Variants in AUTS2 observed in about 807,000 individuals in gnomAD.
AUTS2 encodes the protein activator of transcription and developmental regulator AUTS2.
A neutral mutation model predicts 112.4 loss-of-function variants in AUTS2; 17 were observed. The ratio of observed to expected loss-of-function variants is 0.15; its 90% confidence interval spans 0.10 to 0.23. AUTS2 has a LOEUF of 0.23. Among genes scored for constraint, AUTS2 ranks in the 10% least tolerant of loss-of-function variants. The probability of loss-of-function intolerance (pLI) is 1.00; values close to 1 mark genes in which losing one functional copy is unlikely to be tolerated. For synonymous variants in AUTS2, 751 were observed against 702.7 expected (o/e 1.07, Z -1.09); for missense variants, 1,510 against 1,701.6 (o/e 0.89, Z 1.98).
chr7:70,127,047 G>A (rs1368680187), intron 3 of AUTS2, among the ~76,000 whole-genome samples: 1 of 152,018 alleles, frequency 6.6e-6, no homozygotes, highest in Non-Finnish European at 1.5e-5. Context: ...GGCTGCTCTC[G>A]AACTCCTGAC....
intron 2 of AUTS2, among the ~76,000 whole-genome samples, chr7:70,112,882 T>A (rs1805156898): frequency 1.3e-5 from 2 of 152,034 alleles, no homozygotes; most frequent in Admixed American, 1.3e-4. Context: ...TCAGAACACT[T>A]TGTTTTACAC....
rs546673509 is a variant in AUTS2 at position 69,698,723 on chromosome 7, A to G, written c.309+98761A>G. 8.5e-5 allele frequency among the ~76,000 whole-genome samples: 13 copies of G among 152,248 alleles called. No individual in the cohort carries two copies. In the East Asian group the frequency reaches 1.7e-3, roughly 20 times the overall value. On this transcript the variant is annotated intron_variant, in intron 1 of 18. Coordinates refer to ENST00000342771, the MANE Select transcript of AUTS2 (RefSeq NM_015570.4). ...TGGGTCAGCATCTGCCAACATGTCA[A>G]ATTTTCACACTAGGTTGTATTTTGA...
chr7:70,158,867 A>G lies in AUTS2; in HGVS notation c.660+24296A>G, dbSNP rs116184791. ...TAAATATATAAATAATCATCTACCTATGATATACTCAAGGCAATAAATATA... is the reference window on the plus strand; with the variant it reads ...TAAATATATAAATAATCATCTACCTGTGATATACTCAAGGCAATAAATATA... On this transcript the variant is annotated intron_variant, in intron 4 of 18. Coordinates refer to ENST00000342771, the MANE Select transcript of AUTS2 (RefSeq NM_015570.4). Among the ~76,000 whole-genome samples, 232 of 152,290 alleles carry G rather than the reference A, an allele frequency of 1.5e-3. 1 individual carries two copies. Among genetic ancestry groups the G allele is most frequent in the African/African-American group, 4.7e-3 (195 of 41,554 alleles).
chr7:70,790,757 C>G lies in AUTS2; in HGVS notation c.3541C>G (p.His1181Asp). Residue 1181 changes from histidine (H) to aspartate (D), a missense_variant, in exon 19 of 19, where the codon CAC (histidine) becomes GAC (aspartate). This residue lies in a region of AUTS2 where 788 missense variants were observed against 797.6 expected (regional missense o/e 0.99). Coordinates refer to ENST00000342771, the MANE Select transcript of AUTS2 (RefSeq NM_015570.4). This position sits in a 1 kb window ranked among gnomAD's most constrained non-coding sequence, Gnocchi z 7.6. ...HPASLDGHLP[H>D]PSLITPGLPS... ...CGCCTCCCTCGACGGACACCTCCCCCACCCCAGCCTCATCACCCCGGGACT... is the reference window on the plus strand; with the variant it reads ...CGCCTCCCTCGACGGACACCTCCCCGACCCCAGCCTCATCACCCCGGGACT... 1.2e-6 allele frequency: 2 copies of G among 1,613,456 alleles called. No homozygotes were observed. The highest frequency in any genetic ancestry group is 2.2e-5 in the East Asian group (1 of 44,842).
intron 1 of AUTS2, among the ~76,000 whole-genome samples, chr7:69,806,363 G>A (rs7809321): frequency 5.1e-4 from 77 of 151,522 alleles, no homozygotes; most frequent in Middle Eastern, 6.8e-3. Flanking sequence ...TAGCTTATTT[G>A]TGTTGAGTGC....
chr7:70,097,325 C>CTATA (rs1804257391), intron 2 of AUTS2, among the ~76,000 whole-genome samples: 1 of 152,098 alleles, frequency 6.6e-6, no homozygotes, highest in Non-Finnish European at 1.5e-5. Context: ...TTTAAAGGCC[C>CTATA]TATATAGATC....
chr7:70,583,388 G>T (rs1425478844), intron 5 of AUTS2, among the ~76,000 whole-genome samples: 1 of 152,198 alleles, frequency 6.6e-6, no homozygotes, highest in Non-Finnish European at 1.5e-5. Context: ...TCTCTTTGCT[G>T]CCAGTTGAAA....
intron 5 of AUTS2, among the ~76,000 whole-genome samples, chr7:70,528,514 G>A (rs1799949042): frequency 6.6e-6 from 1 of 152,140 alleles, no homozygotes; most frequent in Admixed American, 6.5e-5. Flanking sequence ...AAATTAGACT[G>A]AGATGCTAAT....
At chr7:70,477,412 G>A (rs1053754373) in intron 5 of AUTS2, among the ~76,000 whole-genome samples, 4 of 152,124 alleles carry the variant, frequency 2.6e-5, no homozygotes, top group African/African-American at 9.7e-5. Context: ...AGAACTAGTC[G>A]TGGAAGTCAC....
intron 5 of AUTS2, among the ~76,000 whole-genome samples, chr7:70,697,163 A>G (rs1454481093): frequency 5.9e-5 from 9 of 151,992 alleles, no homozygotes; most frequent in Admixed American, 5.9e-4. Context: ...TTTTATGTAA[A>G]GGTACTGTTA....
intron 5 of AUTS2, among the ~76,000 whole-genome samples, chr7:70,675,764 T>C (rs925717609): frequency 6.6e-6 from 1 of 152,208 alleles, no homozygotes; most frequent in African/African-American, 2.4e-5. Context: ...CATGGGCTTC[T>C]CACAGAACGG....
At chr7:70,007,536 T>G (rs1056013825) in intron 2 of AUTS2, among the ~76,000 whole-genome samples, 4 of 152,188 alleles carry the variant, frequency 2.6e-5, no homozygotes, top group Non-Finnish European at 5.9e-5. Context: ...AACCTAAAAT[T>G]TATTGAACAT....
chr7:70,124,350 T>C (rs536227466), intron 3 of AUTS2, among the ~76,000 whole-genome samples: 10 of 152,212 alleles, frequency 6.6e-5, no homozygotes, highest in Admixed American at 3.3e-4. Context: ...GCAGAAGTGC[T>C]TAAGTTTAAT....
At chr7:69,609,273 T>A (rs1792893817) in intron 1 of AUTS2, among the ~76,000 whole-genome samples, 1 of 152,244 alleles carries the variant, frequency 6.6e-6, no homozygotes, top group South Asian at 2.1e-4. Context: ...ACTACAAATG[T>A]GGATGAGCAC....
intron 4 of AUTS2, among the ~76,000 whole-genome samples, chr7:70,139,539 C>A (rs1051454556): frequency 6.6e-6 from 1 of 152,142 alleles, no homozygotes; most frequent in African/African-American, 2.4e-5. Context: ...TGCCACCATG[C>A]CCAGCCACTT....
At chr7:69,984,772 C>G (rs1315238064) in intron 2 of AUTS2, among the ~76,000 whole-genome samples, 3 of 152,134 alleles carry the variant, frequency 2.0e-5, no homozygotes, top group Non-Finnish European at 2.9e-5. Flanking sequence ...TTAACACTTT[C>G]TGGAAACCCA....
At chr7:70,717,319 T>C (rs986278837) in intron 6 of AUTS2, among the ~76,000 whole-genome samples, 1 of 152,170 alleles carries the variant, frequency 6.6e-6, no homozygotes, top group African/African-American at 2.4e-5. Context: ...TAGCTGGAAC[T>C]ACAGGCCTGT....
At chr7:69,851,529 C>T (rs1233122963) in intron 1 of AUTS2, among the ~76,000 whole-genome samples, 2 of 152,202 alleles carry the variant, frequency 1.3e-5, no homozygotes, top group Non-Finnish European at 2.9e-5. Flanking sequence ...GGATTACAGG[C>T]GTAAGCCACT....
intron 4 of AUTS2, among the ~76,000 whole-genome samples, chr7:70,282,299 C>T (rs1788255980): frequency 6.6e-6 from 1 of 152,212 alleles, no homozygotes; most frequent in African/African-American, 2.4e-5. Flanking sequence ...GCAGTACCCT[C>T]CCTTCTTGGT....
Sources: gnomAD v4.1 joint callset for allele counts (sites outside exome capture counted in the v4.1 genomes callset) on GRCh38, gnomAD v4.1.1 for gene constraint, gnomAD v4.1.1 regional missense constraint, Gnocchi (gnomAD v3.1) non-coding constraint, MANE v1.5 for transcripts, NCBI Gene and HGNC (gene_info 2026-07-23, HGNC 2026-07-21) for gene names.